Variants in SYNJ1 observed in about 807,000 individuals in gnomAD.
SYNJ1 encodes polyphosphatidylinositol phosphatase SYNJ1.
A neutral mutation model predicts 168.2 loss-of-function variants in SYNJ1; 78 were observed. The ratio of observed to expected loss-of-function variants is 0.46; its 90% CI spans 0.39 to 0.56. SYNJ1 has a LOEUF of 0.56. SYNJ1 is among the 20% of genes least tolerant of loss of function. The pLI is 0.00. For missense variants in SYNJ1, 1,303 were observed against 1,597.6 expected, an observed-to-expected ratio of 0.82 and a Z score of 3.14; for synonymous variants, 539 against 548.6, an observed-to-expected ratio of 0.98 and a Z score of 0.24.
chr21:32,654,513 G>C (rs1055559142), intron 21 of SYNJ1, among the ~76,000 whole-genome samples: 1 of 152,134 alleles, frequency 6.6e-6, no homozygotes, highest in African/African-American at 2.4e-5. Context: ...AATCACCACT[G>C]TAAGCATACA....
chr21:32,698,188 C>A (rs150742066), intron 4 of SYNJ1, among the ~76,000 whole-genome samples: 270 of 152,084 alleles, frequency 1.8e-3, no homozygotes, highest in African/African-American at 5.9e-3. Context: ...CTGCTAAACC[C>A]AAGTCTCTAA....
intron 15 of SYNJ1, 115 bp downstream of exon 15, chr21:32,670,173 G>C: frequency 2.6e-6 from 2 of 765,592 alleles, no homozygotes; most frequent in South Asian, 4.2e-5. Flanking sequence ...ACAGTTTTAC[G>C]AGCACCCTTC....
chr21:32,631,355 A>G lies in SYNJ1; in HGVS notation c.*450T>C, dbSNP rs746037041. On this transcript the variant is annotated 3_prime_UTR_variant, in exon 33 of 33. Transcript: ENST00000674351. Reference sequence around the variant, plus strand: ...CCTTAAAGCCATCAAGTGAAGATGAAGCCCTGCTTTTGTTATGACCAAGAG... The same window carrying G: ...CCTTAAAGCCATCAAGTGAAGATGAGGCCCTGCTTTTGTTATGACCAAGAG... The G allele has an allele frequency of 6.2e-7, 1 of 1,614,182 alleles. No homozygotes were observed. The highest frequency in any genetic ancestry group is 2.2e-5 in the East Asian group (1 of 44,882).
In SYNJ1 at chr21:32,673,462, A is replaced by G. The variant is rs1024595137; in HGVS notation, c.1604T>C (p.Val535Ala). 1 of 1,613,058 alleles carries G rather than the reference A, an allele frequency of 6.2e-7. No individual in the cohort carries two copies. Among genetic ancestry groups the G allele is most frequent in the African/African-American group, 1.3e-5 (1 of 74,852 alleles). Residue 535 changes from valine to alanine, a missense_variant, in exon 14 of 33, where the codon GTA becomes GCA. Val to Ala is a moderately conservative substitution (Grantham distance 64). Coordinates refer to ENST00000674351, the MANE Select transcript of SYNJ1 (RefSeq NM_203446.3). ...ATTCACATTCCAGGTTCCGACACAT[A>G]CTCGAATTTTCTTAGGCTTTGAATA... ...YKYSKPKKIR[V>A]CVGTWNVNGG...
At chr21:32,719,815 A>G (rs1040158270) in intron 2 of SYNJ1, among the ~76,000 whole-genome samples, 1 of 151,994 alleles carries the variant, frequency 6.6e-6, no homozygotes, top group Non-Finnish European at 1.5e-5. Flanking sequence ...TGAAGAAAAT[A>G]AATGTTCTAT....
At chr21:32,690,943 T>G (rs1461828202) in intron 6 of SYNJ1, among the ~76,000 whole-genome samples, 1 of 152,206 alleles carries the variant, frequency 6.6e-6, no homozygotes, top group East Asian at 1.9e-4. Flanking sequence ...AAGCTTGCAT[T>G]AAAGGTATTT....
At chr21:32,652,611 C>T (rs1343596296) in intron 22 of SYNJ1, among the ~76,000 whole-genome samples, 1 of 152,200 alleles carries the variant, frequency 6.6e-6, no homozygotes, top group Non-Finnish European at 1.5e-5. Context: ...GCCTAGAGTA[C>T]AATCCATCTT....
At chr21:32,675,695 C>T (rs1180682053) in intron 13 of SYNJ1, among the ~76,000 whole-genome samples, 1 of 152,112 alleles carries the variant, frequency 6.6e-6, no homozygotes, top group East Asian at 1.9e-4. Context: ...GATCATAAAC[C>T]TTGCCCAGAG....
intron 14 of SYNJ1, among the ~76,000 whole-genome samples, chr21:32,672,573 C>A (rs1012571800): frequency 4.6e-5 from 7 of 152,164 alleles, no homozygotes; most frequent in Non-Finnish European, 5.9e-5. Flanking sequence ...CTCCTGTCCT[C>A]AGGTGATCCA....
At chr21:32,722,848 C>G (rs2043298037) in intron 2 of SYNJ1, among the ~76,000 whole-genome samples, 1 of 152,118 alleles carries the variant, frequency 6.6e-6, no homozygotes, top group Non-Finnish European at 1.5e-5. Flanking sequence ...TTGGTTCAGC[C>G]TGACAGTTTC....
Position 32,646,400 on chromosome 21 carries a change from A to G in SYNJ1, c.3240T>C (p.Ser1080=). ...RAPSRTPGPP[S]AQSSPIDAQP... Reference sequence around the variant, plus strand: ...TTCAAATAAAATGCATACTCTGTGCACTGGGAGGCCCAGGAGTTCTTGACG... The same window carrying G: ...TTCAAATAAAATGCATACTCTGTGCGCTGGGAGGCCCAGGAGTTCTTGACG... Residue 1080 remains serine, a synonymous_variant, in exon 24 of 33, where the codon AGT becomes AGC. Coordinates refer to ENST00000674351, the MANE Select transcript of SYNJ1 (RefSeq NM_203446.3). The G allele has an allele frequency of 6.2e-7, 1 of 1,614,090 alleles. No individual in the cohort carries two copies. Among genetic ancestry groups the G allele is most frequent in the Non-Finnish European group, 8.5e-7 (1 of 1,179,946 alleles).
intron 6 of SYNJ1, among the ~76,000 whole-genome samples, chr21:32,690,304 C>T (rs2041976070): frequency 6.6e-6 from 1 of 152,212 alleles, no homozygotes; most frequent in African/African-American, 2.4e-5. Context: ...ACCTCCTGGG[C>T]TCAAGGGATC....
chr21:32,727,712 C>A (rs2043533339), intron 1 of SYNJ1: 1 of 930,376 alleles, frequency 1.1e-6, no homozygotes. Flanking sequence ...GGTTCGTTCC[C>A]GCGGGCGGGC....
chr21:32,694,905 C>T lies in SYNJ1; in HGVS notation c.705+152G>A, dbSNP rs2042148868. The T allele has an allele frequency of 8.7e-6, 7 of 800,408 alleles. No homozygotes were observed. In the Admixed American group the frequency reaches 1.3e-4, roughly 15 times the overall value. 49.6% of individuals were successfully genotyped at this position (800,408 alleles called of 1,614,324 possible). A position where few individuals can be genotyped will look rare whatever the true frequency, so the allele number is the denominator to read the frequency against. On this transcript the variant is annotated intron_variant, in intron 5 of 32. Coordinates refer to ENST00000674351, the MANE Select transcript of SYNJ1 (RefSeq NM_203446.3). Reference sequence around the variant, plus strand: ...CCAAAATAAGTTTTTTTTAGGGAAGCCTTTTTTTAAGGCCCATAAGTAACC... The same window carrying T: ...CCAAAATAAGTTTTTTTTAGGGAAGTCTTTTTTTAAGGCCCATAAGTAACC...
chr21:32,693,580 A>G (rs1458530609), intron 6 of SYNJ1, among the ~76,000 whole-genome samples: 1 of 152,200 alleles, frequency 6.6e-6, no homozygotes, highest in Non-Finnish European at 1.5e-5. Flanking sequence ...TAGACTATAC[A>G]TACCCAGATC....
Position 32,718,281 on chromosome 21 carries a change from G to C in SYNJ1, c.124+8491C>G, listed in dbSNP as rs1459069705. Among the ~76,000 whole-genome samples, 3 of 152,094 alleles carry C rather than the reference G, an allele frequency of 2.0e-5. No individual in the cohort carries two copies. The East Asian group carries it at 5.8e-4, about 29-fold the overall frequency. ...AAAGTTAAGTGGTGAAGAAATGAAA[G>C]CACTTAAGAACTAACTACTGGTTTG... On this transcript the variant is annotated intron_variant, in intron 2 of 32. Transcript: ENST00000674351.
At position 32,675,842 on chromosome 21, in the gene SYNJ1, G is replaced by T. The variant is rs192533275; in HGVS notation, c.1534+490C>A. ...AAAAGATTTCAGATCATATTTTAGTGCAAGTCTATAGTTTTGAAACTATTT... is the reference window on the plus strand; with the variant it reads ...AAAAGATTTCAGATCATATTTTAGTTCAAGTCTATAGTTTTGAAACTATTT... On this transcript the variant is annotated intron_variant, in intron 13 of 32. Coordinates refer to ENST00000674351, the MANE Select transcript of SYNJ1 (RefSeq NM_203446.3). Among the ~76,000 whole-genome samples, 288 of 152,258 alleles carry T rather than the reference G, an allele frequency of 1.9e-3. 1 individual carries two copies. The highest frequency in any genetic ancestry group is 1.6e-3 in the Non-Finnish European group (106 of 68,022).
chr21:32,688,362 T>C lies in SYNJ1; in HGVS notation c.795A>G (p.Gly265=), dbSNP rs1218609406. ...LFWEQPGLQV[G]SHRVRMSRGF... ...CCCTTGACATACGGACACGATGAGA[T>C]CCCACCTTAGACAAGAAAAATATAT... The change falls in exon 7 of 33, where the codon GGA becomes GGG. Residue 265 remains glycine (G), a synonymous_variant. Transcript: ENST00000674351. 6.2e-7 allele frequency: 1 copy of C among 1,613,264 alleles called. No homozygotes were observed. Among genetic ancestry groups the C allele is most frequent in the East Asian group, 2.2e-5 (1 of 44,830 alleles).
At chr21:32,689,303 C>A (rs765156863) in intron 6 of SYNJ1, among the ~76,000 whole-genome samples, 1 of 151,766 alleles carries the variant, frequency 6.6e-6, no homozygotes, top group Non-Finnish European at 1.5e-5. Context: ...GAACAAAGTG[C>A]TTTTTTTTGT....
Sources: allele counts gnomAD v4.1 joint callset (sites outside exome capture counted in the v4.1 genomes callset), GRCh38; gene constraint gnomAD v4.1.1; transcripts MANE v1.5; gene names NCBI Gene and HGNC (gene_info 2026-07-23, HGNC 2026-07-21).